Variants in SLC18A2 observed in about 807,000 individuals in gnomAD.
SLC18A2 encodes solute carrier family 18 member A2.
Under a neutral mutation model 59.2 loss-of-function variants are expected in SLC18A2, and 33 were observed. The observed-to-expected ratio is 0.56, with a 90% confidence interval of 0.42 to 0.75. The LOEUF (loss-of-function observed/expected upper bound fraction) is 0.75. Ranked by LOEUF, SLC18A2 falls within the 30% of genes least tolerant of loss-of-function variation. The pLI is 0.00. For synonymous variants in SLC18A2, 228 were observed against 253.5 expected (o/e 0.90, Z 0.95); for missense variants, 569 against 668.6 (o/e 0.85, Z 1.64).
intron 10 of SLC18A2, among the ~76,000 whole-genome samples, chr10:117,264,029 A>C (rs1844321895): frequency 6.6e-6 from 1 of 152,194 alleles, no homozygotes; most frequent in Non-Finnish European, 1.5e-5. Context: ...GCTTGGAGGA[A>C]ACCCAAGGTC....
intron 15 of SLC18A2, among the ~76,000 whole-genome samples, chr10:117,275,585 G>A (rs994254229): frequency 6.6e-6 from 1 of 152,148 alleles, no homozygotes; most frequent in Non-Finnish European, 1.5e-5. Context: ...GCTGCAGGCG[G>A]CTCCTGTCTG....
At chr10:117,257,286 A>G (rs1434627259) in intron 9 of SLC18A2, among the ~76,000 whole-genome samples, 1 of 151,480 alleles carries the variant, frequency 6.6e-6, no homozygotes, top group African/African-American at 2.4e-5. Flanking sequence ...GTACCGCTGA[A>G]CCCCGCCCCC....
intron 11 of SLC18A2, 25 bp downstream of exon 11, chr10:117,266,836 CAT>C: frequency 6.3e-7 from 1 of 1,588,386 alleles, no homozygotes; most frequent in Non-Finnish European, 8.6e-7. Context: ...AAACAACACT[CAT>C]TCTGTTACAA....
rs751028833 is a variant in SLC18A2 at position 117,269,126 on chromosome 10, CACAT to C, written c.1187-941_1187-938del. 5.5e-4 allele frequency among the ~76,000 whole-genome samples: 83 copies of C among 150,618 alleles called. No individual in the cohort carries two copies. Among genetic ancestry groups the C allele is most frequent in the Non-Finnish European group, 9.3e-4 (63 of 67,686 alleles). On this transcript the variant is annotated intron_variant, in intron 13 of 15. Transcript: ENST00000644641. This position sits in a 1 kb window ranked among gnomAD's most constrained non-coding sequence, Gnocchi z 5.1. ...ACATACATACACGTAGATACACATACACATACAAACACCCACCCACATACATATG... is the reference window on the plus strand; with the variant it reads ...ACATACATACACGTAGATACACATACACAAACACCCACCCACATACATATG...
intron 9 of SLC18A2, among the ~76,000 whole-genome samples, chr10:117,256,959 A>T (rs1208948879): frequency 1.3e-5 from 2 of 152,080 alleles, no homozygotes; most frequent in African/African-American, 4.8e-5. Context: ...ACTGTCATCG[A>T]CACTTCCAGA....
At position 117,250,839 on chromosome 10, in the gene SLC18A2, C is replaced by T. The variant is rs146396742; in HGVS notation, c.465-2560C>T. 2.5e-3 allele frequency among the ~76,000 whole-genome samples: 376 copies of T among 152,338 alleles called. 1 individual carries two copies. The highest frequency in any genetic ancestry group is 3.6e-3 in the Non-Finnish European group (248 of 68,036). On this transcript the variant is annotated intron_variant, in intron 3 of 15. Transcript: ENST00000644641. ...GTCTGAGTCTTCAGGTAGGGAGGGA[C>T]CTCAGTGGCTTCCAGCCCACCACAG...
chr10:117,272,486 C>CT (rs969192488), intron 15 of SLC18A2, among the ~76,000 whole-genome samples: 2 of 152,188 alleles, frequency 1.3e-5, no homozygotes, highest in African/African-American at 4.8e-5. Context: ...CCAACTACCA[C>CT]TGTGTTCCGC....
chr10:117,277,806 G>A lies in SLC18A2; in HGVS notation c.*540G>A, dbSNP rs535251449. On this transcript the variant is annotated 3_prime_UTR_variant, in exon 16 of 16. Transcript: ENST00000644641. ...TGCGTTAAACAGCTAGTTCTCTCAA[G>A]TGTAGAGGACAAGAACTTGTGTCAG... 11 of 152,344 alleles carry A rather than the reference G, an allele frequency of 7.2e-5. No individual in the cohort carries two copies. The highest frequency in any genetic ancestry group is 2.6e-4 in the Admixed American group (4 of 15,304). 9.4% of individuals were successfully genotyped at this position (152,344 alleles called of 1,614,324 possible). A position where few individuals can be genotyped will look rare whatever the true frequency, so the allele number is the denominator to read the frequency against.
chr10:117,241,232 C>G lies in SLC18A2; in HGVS notation c.-16+12C>G, dbSNP rs1844046876. The G allele has an allele frequency of 6.5e-6, 1 of 154,974 alleles. No homozygotes were observed. Among genetic ancestry groups the G allele is most frequent in the East Asian group, 1.9e-4 (1 of 5,168 alleles). The allele number at this position is 154,974 out of a possible 1,614,324, so 9.6% of individuals were successfully genotyped here. A position where few individuals can be genotyped will look rare whatever the true frequency, so the allele number is the denominator to read the frequency against. On this transcript the variant is annotated intron_variant, in intron 1 of 15. Transcript: ENST00000644641. Reference sequence around the variant, plus strand: ...CAAGCGACCCCGAGGTAACACGGCCCCGGTTCCCTGCTCGCAGGGCGCGGT... The same window carrying G: ...CAAGCGACCCCGAGGTAACACGGCCGCGGTTCCCTGCTCGCAGGGCGCGGT...
intron 10 of SLC18A2, among the ~76,000 whole-genome samples, chr10:117,258,428 A>G (rs915101893): frequency 2.6e-5 from 4 of 152,156 alleles, no homozygotes; most frequent in African/African-American, 9.7e-5. Flanking sequence ...TTACCACCCT[A>G]TTGCATGAAA....
chr10:117,263,807 C>T (rs919405267), intron 10 of SLC18A2, among the ~76,000 whole-genome samples: 4 of 152,162 alleles, frequency 2.6e-5, no homozygotes, highest in African/African-American at 9.7e-5. Flanking sequence ...GTTCTTCTAG[C>T]CCCTTTGTAT....
At chr10:117,255,141 C>A in intron 6 of SLC18A2, 136 bp from the exon 7 acceptor site, 2 of 772,560 alleles carry the variant, frequency 2.6e-6, no homozygotes, top group Non-Finnish European at 2.1e-6. Flanking sequence ...TCTAACCGAA[C>A]AGAACAATAG....
intron 3 of SLC18A2, among the ~76,000 whole-genome samples, chr10:117,249,492 C>T (rs1565002376): frequency 6.6e-6 from 1 of 152,248 alleles, no homozygotes; most frequent in Non-Finnish European, 1.5e-5. Context: ...TACTGACATT[C>T]ATTTACTGCA....
rs537229301 is a variant in SLC18A2 at position 117,277,910 on chromosome 10, T to C, written c.*644T>C. Reference sequence around the variant, plus strand: ...TACCTAGAGAGAGTTGTAAATTATATGTTAACATGTTATCTGGTTGGCAGC... The same window carrying C: ...TACCTAGAGAGAGTTGTAAATTATACGTTAACATGTTATCTGGTTGGCAGC... On this transcript the variant is annotated 3_prime_UTR_variant, in exon 16 of 16. Coordinates refer to ENST00000644641, the MANE Select transcript of SLC18A2 (RefSeq NM_003054.6). 5 of 152,200 alleles carry C rather than the reference T, an allele frequency of 3.3e-5. No individual in the cohort carries two copies. Among genetic ancestry groups the C allele is most frequent in the Non-Finnish European group, 5.9e-5 (4 of 68,028 alleles). The allele number at this position is 152,200 out of a possible 1,614,324, so 9.4% of individuals were successfully genotyped here.
chr10:117,244,908 G>T (rs1254071541), intron 3 of SLC18A2, among the ~76,000 whole-genome samples: 1 of 152,232 alleles, frequency 6.6e-6, no homozygotes, highest in Non-Finnish European at 1.5e-5. Context: ...TGCATGAAAG[G>T]AAGAGAACTG....
At chr10:117,262,450 T>A (rs1244845336) in intron 10 of SLC18A2, among the ~76,000 whole-genome samples, 1 of 151,976 alleles carries the variant, frequency 6.6e-6, no homozygotes, top group African/African-American at 2.4e-5. Context: ...TGACACCGAG[T>A]CAGCAAACAG....
chr10:117,256,571 CCCTCAGG>C (rs889771960), intron 9 of SLC18A2, among the ~76,000 whole-genome samples: 3 of 152,212 alleles, frequency 2.0e-5, no homozygotes, highest in South Asian at 2.1e-4. Context: ...CCTTTGTCAA[CCCTCAGG>C]CTGGTTTTGT....
chr10:117,279,113 A>G lies in SLC18A2; in HGVS notation c.*1847A>G, dbSNP rs1296122229. On this transcript the variant is annotated 3_prime_UTR_variant, in exon 16 of 16. Transcript: ENST00000644641. ...TTGGTCCCTCGGGATAAGATAAAAT[A>G]TAAATAAAACCTTCAGAACTGTTTT... 1 of 152,232 alleles carries G rather than the reference A, an allele frequency of 6.6e-6. No individual in the cohort carries two copies. Among genetic ancestry groups the G allele is most frequent in the African/African-American group, 2.4e-5 (1 of 41,456 alleles). The allele number at this position is 152,232 out of a possible 1,614,324, so 9.4% of individuals were successfully genotyped here. A position where few individuals can be genotyped will look rare whatever the true frequency, so the allele number is the denominator to read the frequency against.
intron 10 of SLC18A2, among the ~76,000 whole-genome samples, chr10:117,266,022 A>C (rs1237878158): frequency 6.7e-6 from 1 of 148,294 alleles, no homozygotes; most frequent in Non-Finnish European, 1.5e-5. Flanking sequence ...CCTGGGAGGC[A>C]GAGGTTGCAG....
Sources: gnomAD v4.1 joint callset for allele counts (sites outside exome capture counted in the v4.1 genomes callset) on GRCh38, gnomAD v4.1.1 for gene constraint, Gnocchi (gnomAD v3.1) non-coding constraint, MANE v1.5 for transcripts, NCBI Gene and HGNC (gene_info 2026-07-23, HGNC 2026-07-21) for gene names.